Variants in ARHGEF19 observed in about 807,000 individuals in gnomAD.
ARHGEF19 encodes Rho guanine nucleotide exchange factor 19.
A neutral mutation model predicts 87.6 loss-of-function variants in ARHGEF19; 92 were observed. The observed-to-expected ratio is 1.05, with a 90% CI of 0.89 to 1.25. The LOEUF is 1.25. ARHGEF19 is among the 50% of genes most tolerant of loss of function. The pLI is 0.00. For missense variants in ARHGEF19, 1,054 were observed against 1,051.8 expected, an observed-to-expected ratio of 1.00 and a Z score of -0.03; for synonymous variants, 438 against 446.2, an observed-to-expected ratio of 0.98 and a Z score of 0.23.
intron 1 of ARHGEF19, among the ~76,000 whole-genome samples, chr1:16,211,417 G>A (rs2081196064): frequency 6.6e-6 from 1 of 152,196 alleles, no homozygotes; most frequent in East Asian, 1.9e-4. Context: ...GGTTCTGGAA[G>A]CTCCTGGAGG....
At position 16,205,503 on chromosome 1, in the gene ARHGEF19, C is replaced by T; in HGVS notation, c.1581+35G>A. ...CCCGCCCACAGGTGTATCTCCCTCG[C>T]CCAGCCCTCACTGTGGCCTGTCCCC... On this transcript the variant is annotated intron_variant, in intron 9 of 15. Coordinates refer to ENST00000270747, the MANE Select transcript of ARHGEF19 (RefSeq NM_153213.5). This position sits in a 1 kb window ranked among gnomAD's most constrained non-coding sequence, Gnocchi z 5.8. The T allele has an allele frequency of 1.2e-6, 2 of 1,613,786 alleles. No homozygotes were observed. Among genetic ancestry groups the T allele is most frequent in the Non-Finnish European group, 1.7e-6 (2 of 1,179,876 alleles).
Position 16,201,780 on chromosome 1 carries a change from A to AC in ARHGEF19, c.2146+1dup. On this transcript the variant is annotated splice_donor_variant, in intron 14 of 15. Transcript: ENST00000270747. LOFTEE classifies it high-confidence loss of function. ...ATGTAAGCAGCAGGGATGAGCTACTACCTTCCCCCTCACTGATGACCTCCT... is the reference window on the plus strand; with the variant it reads ...ATGTAAGCAGCAGGGATGAGCTACTACCCTTCCCCCTCACTGATGACCTCCT... The AC allele has an allele frequency of 6.2e-7, 1 of 1,613,416 alleles. No individual in the cohort carries two copies. Among genetic ancestry groups the AC allele is most frequent in the East Asian group, 2.2e-5 (1 of 44,866 alleles).
chr1:16,211,506 A>C (rs2081196615), intron 1 of ARHGEF19, among the ~76,000 whole-genome samples: 2 of 152,210 alleles, frequency 1.3e-5, no homozygotes, highest in African/African-American at 4.8e-5. Flanking sequence ...GAGCACCCCC[A>C]GTTAAGGCTG....
At position 16,205,592 on chromosome 1, in the gene ARHGEF19, G is replaced by A. The variant is rs367702447; in HGVS notation, c.1527C>T (p.Thr509=). The A allele has an allele frequency of 3.7e-6, 6 of 1,613,916 alleles. No homozygotes were observed. Among genetic ancestry groups the A allele is most frequent in the Non-Finnish European group, 5.1e-6 (6 of 1,179,976 alleles). ...ESPVCQRLPL[T]SFLILPFQRI... is the part of the protein sequence containing the mutation. Reference sequence around the variant, plus strand: ...TCTGGAAGGGCAGGATAAGGAAGGAGGTAAGGGGCAGACGCTGGCACACAG... The same window carrying A: ...TCTGGAAGGGCAGGATAAGGAAGGAAGTAAGGGGCAGACGCTGGCACACAG... Residue 509 remains threonine, a synonymous_variant, in exon 9 of 16, where the codon ACC becomes ACT. Transcript: ENST00000270747. This position sits in a 1 kb window ranked among gnomAD's most constrained non-coding sequence, Gnocchi z 5.8.
At position 16,198,777 on chromosome 1, in the gene ARHGEF19, A is replaced by G. The variant is rs749820457; in HGVS notation, c.2252-33T>C. Reference sequence around the variant, plus strand: ...CACATAGGCCAAGAACAACAGCATCAAAGGGGTACCAGGGCCAGGCCTGGA... The same window carrying G: ...CACATAGGCCAAGAACAACAGCATCGAAGGGGTACCAGGGCCAGGCCTGGA... On this transcript the variant is annotated intron_variant, in intron 15 of 15. Coordinates refer to ENST00000270747, the MANE Select transcript of ARHGEF19 (RefSeq NM_153213.5). The surrounding 1 kb of genome is among the most constrained non-coding windows in gnomAD (Gnocchi z 4.1). 1.2e-5 allele frequency: 19 copies of G among 1,565,616 alleles called. No homozygotes were observed. Among genetic ancestry groups the G allele is most frequent in the Non-Finnish European group, 1.6e-5 (19 of 1,152,816 alleles).
chr1:16,212,080 T>A (rs1212212692), intron 1 of ARHGEF19, among the ~76,000 whole-genome samples: 1 of 152,138 alleles, frequency 6.6e-6, no homozygotes, highest in Non-Finnish European at 1.5e-5. Context: ...ATCATAAATG[T>A]CTCTGGGCCA....
At chr1:16,210,219 G>A (rs2081186573) in intron 1 of ARHGEF19, among the ~76,000 whole-genome samples, 1 of 152,220 alleles carries the variant, frequency 6.6e-6, no homozygotes, top group Non-Finnish European at 1.5e-5. Flanking sequence ...GCTGGCTGGG[G>A]GAGATCCCAC....
chr1:16,202,240 CCCTGCCCTCTGCCCCTGTGT>C (rs1413295638), intron 13 of ARHGEF19, among the ~76,000 whole-genome samples, 156 bp downstream of exon 13: 1 of 152,262 alleles, frequency 6.6e-6, no homozygotes, highest in African/African-American at 2.4e-5. Flanking sequence ...TGGCCTCCAG[CCCTGCCCTCTGCCCCTGTGT>C]CCTGCCCAAG....
chr1:16,211,912 T>A (rs2081200985), intron 1 of ARHGEF19, among the ~76,000 whole-genome samples: 1 of 152,168 alleles, frequency 6.6e-6, no homozygotes, highest in Non-Finnish European at 1.5e-5. Context: ...CCAAAAAGAA[T>A]AACCTCCGCC....
At chr1:16,212,294 C>G (rs1250401524) in intron 1 of ARHGEF19, among the ~76,000 whole-genome samples, 1 of 152,142 alleles carries the variant, frequency 6.6e-6, no homozygotes, top group Non-Finnish European at 1.5e-5. Context: ...TGGTACCCTG[C>G]CAGAGCCTCT....
chr1:16,209,202 A>C, intron 1 of ARHGEF19, 119 bp from the exon 2 acceptor site: 1 of 600,374 alleles, frequency 1.7e-6, no homozygotes, highest in Non-Finnish European at 2.5e-6. Context: ...CTCCACAAAC[A>C]CACTCACATG....
chr1:16,203,086 C>G (rs1006329379), intron 12 of ARHGEF19, among the ~76,000 whole-genome samples: 4 of 152,140 alleles, frequency 2.6e-5, no homozygotes, highest in Admixed American at 2.6e-4. Flanking sequence ...ATAAGCCCCA[C>G]GAAGGCTGAG....
In ARHGEF19 at chr1:16,198,819, C is replaced by CT; in HGVS notation, c.2252-76dup. 1.3e-6 allele frequency: 2 copies of CT among 1,508,742 alleles called. No individual in the cohort carries two copies. The allele number at this position is 1,508,742 out of a possible 1,614,324, so 93.5% of individuals were successfully genotyped here. A position where few individuals can be genotyped will look rare whatever the true frequency, so the allele number is the denominator to read the frequency against. The stretch of plus-strand genomic sequence containing the variant: ...AGGCCTGGAAGGGAACACCACAGCC[C>CT]TGATGCAAGCTTTGTCTGCACCCTT... On this transcript the variant is annotated intron_variant, in intron 15 of 15. Coordinates refer to ENST00000270747, the MANE Select transcript of ARHGEF19 (RefSeq NM_153213.5). The surrounding 1 kb of genome is among the most constrained non-coding windows in gnomAD (Gnocchi z 4.1).
chr1:16,203,476 A>G (rs1037797842), intron 12 of ARHGEF19, among the ~76,000 whole-genome samples: 3 of 152,022 alleles, frequency 2.0e-5, no homozygotes, highest in African/African-American at 4.8e-5. Flanking sequence ...CAACTGCAAG[A>G]CCCTCTGGCC....
chr1:16,208,865 G>T lies in ARHGEF19; in HGVS notation c.190C>A (p.Arg64Ser), dbSNP rs773105913. Reference protein sequence around the residue: ...APEELRAPGSRWSLGTPAPLQ... With the variant: ...APEELRAPGSSWSLGTPAPLQ... The stretch of plus-strand genomic sequence containing the variant: ...GGGGCAGGGGTCCCCAGGGACCAGC[G>T]GCTGCCAGGAGCCCGAAGCTCCTCT... The change falls in exon 2 of 16, where the codon CGC becomes AGC. Residue 64 changes from arginine to serine, a missense_variant. Transcript: ENST00000270747. 6.2e-7 allele frequency: 1 copy of T among 1,604,494 alleles called. No homozygotes were observed. Among genetic ancestry groups the T allele is most frequent in the South Asian group, 1.1e-5 (1 of 90,394 alleles).
At chr1:16,204,638 G>A in intron 12 of ARHGEF19, 121 bp downstream of exon 12, 2 of 1,226,976 alleles carry the variant, frequency 1.6e-6, no homozygotes, top group Non-Finnish European at 2.2e-6. Context: ...TGCCCTGGCA[G>A]CATACCCTGG....
intron 13 of ARHGEF19, 78 bp from the exon 14 acceptor site, chr1:16,201,939 G>A: frequency 6.8e-7 from 1 of 1,467,928 alleles, no homozygotes; most frequent in Non-Finnish European, 9.3e-7. Context: ...CCAAGGCTGG[G>A]GGAGCCAGAC....
intron 13 of ARHGEF19, 108 bp from the exon 14 acceptor site, chr1:16,201,969 C>T: frequency 2.3e-6 from 2 of 868,658 alleles, no homozygotes; most frequent in South Asian, 3.4e-5. Context: ...AGGCCTAGGA[C>T]CCAGGCCTAC....
chr1:16,208,624 CT>C lies in ARHGEF19; in HGVS notation c.412+18del. Reference sequence around the variant, plus strand: ...CCCCTGCCATGGCACCCACACCCGCCTTCCCCAGGGTGACTCACAGGCAGAC... The same window carrying C: ...CCCCTGCCATGGCACCCACACCCGCCTCCCCAGGGTGACTCACAGGCAGAC... On this transcript the variant is annotated intron_variant, in intron 2 of 15. Coordinates refer to ENST00000270747, the MANE Select transcript of ARHGEF19 (RefSeq NM_153213.5). 1 of 1,583,738 alleles carries C rather than the reference CT, an allele frequency of 6.3e-7. No homozygotes were observed. The highest frequency in any genetic ancestry group is 8.5e-7 in the Non-Finnish European group (1 of 1,170,580).
Sources: gnomAD v4.1 joint callset for allele counts (sites outside exome capture counted in the v4.1 genomes callset) on GRCh38, gnomAD v4.1.1 for gene constraint, Gnocchi (gnomAD v3.1) non-coding constraint, MANE v1.5 for transcripts, NCBI Gene and HGNC (gene_info 2026-07-23, HGNC 2026-07-21) for gene names.